PTPRD: variants seen among roughly 807,000 people sequenced by gnomAD.
The protein encoded by PTPRD is receptor-type tyrosine-protein phosphatase delta.
In PTPRD, 34 loss-of-function variants were observed where a neutral mutation model predicts 214.5. The ratio of observed to expected loss-of-function variants is 0.16; its 90% CI spans 0.12 to 0.21. The LOEUF is 0.21. Ranked by LOEUF, PTPRD falls within the 10% of genes least tolerant of loss-of-function variation. The pLI is 1.00. For synonymous variants in PTPRD, 1,128 were observed against 845.7 expected, an observed-to-expected ratio of 1.33 and a Z score of -5.79; for missense variants, 2,545 against 2,398.7, an observed-to-expected ratio of 1.06 and a Z score of -1.27.
chr9:9,508,264 C>T (rs530762205), intron 8 of PTPRD, among the ~76,000 whole-genome samples: 1 of 151,556 alleles, frequency 6.6e-6, no homozygotes, highest in African/African-American at 2.4e-5. Context: ...ACAAGAAGCG[C>T]TCCAGTGGCC....
chr9:9,041,662 A>G (rs2099640254), intron 10 of PTPRD, among the ~76,000 whole-genome samples: 1 of 152,200 alleles, frequency 6.6e-6, no homozygotes, highest in African/African-American at 2.4e-5. Flanking sequence ...GAGTAAATAC[A>G]TTCACAATTA....
At chr9:9,998,129 A>AAAAATATATATATATATAT (rs57991748) in intron 4 of PTPRD, among the ~76,000 whole-genome samples, 10 of 91,460 alleles carry the variant, frequency 1.1e-4, no homozygotes, top group African/African-American at 5.3e-4. Context: ...AAAAAAAAAA[A>AAAAATATATATATATATAT]ATATATATAT....
chr9:9,762,007 G>A (rs2154476158), intron 6 of PTPRD, among the ~76,000 whole-genome samples: 1 of 152,274 alleles, frequency 6.6e-6, no homozygotes, highest in African/African-American at 2.4e-5. Context: ...TAATTCTGGA[G>A]GAGAGAAAGT....
intron 3 of PTPRD, among the ~76,000 whole-genome samples, chr9:10,048,660 C>A (rs1324008602): frequency 6.6e-6 from 1 of 152,072 alleles, no homozygotes; most frequent in Non-Finnish European, 1.5e-5. Context: ...TTTATGACCT[C>A]AGCATGCAAG....
At chr9:8,407,548 A>T (rs1293165861) in intron 35 of PTPRD, among the ~76,000 whole-genome samples, 1 of 152,192 alleles carries the variant, frequency 6.6e-6, no homozygotes, top group Non-Finnish European at 1.5e-5. Context: ...CCAGAATGCC[A>T]CTGCAAAAGG....
At chr9:9,536,787 C>G (rs147780889) in intron 8 of PTPRD, among the ~76,000 whole-genome samples, 250 of 152,122 alleles carry the variant, frequency 1.6e-3, no homozygotes, top group African/African-American at 5.7e-3. Flanking sequence ...ACGAAAAGCC[C>G]CTTCTCATTT....
At chr9:9,406,826 A>G (rs2073601896) in intron 8 of PTPRD, among the ~76,000 whole-genome samples, 1 of 138,216 alleles carries the variant, frequency 7.2e-6, no homozygotes, top group African/African-American at 2.7e-5. Flanking sequence ...AAAAATATCT[A>G]ATATGAACTC....
intron 14 of PTPRD, among the ~76,000 whole-genome samples, chr9:8,547,082 T>A (rs2080395858): frequency 6.6e-6 from 1 of 152,216 alleles, no homozygotes. Flanking sequence ...TCTATCTCTT[T>A]GAAATAAAGT....
intron 3 of PTPRD, among the ~76,000 whole-genome samples, chr9:10,147,711 C>G (rs2099033095): frequency 6.6e-6 from 1 of 152,052 alleles, no homozygotes; most frequent in African/African-American, 2.4e-5. Context: ...AAAACCCCGT[C>G]TCTACTAAAA....
rs1053679365 is a variant in PTPRD, at chr9:9,991,840, A to T, written c.-472+41878T>A. 5.3e-4 allele frequency among the ~76,000 whole-genome samples: 68 copies of T among 127,656 alleles called. No individual in the cohort carries two copies. The South Asian group carries it at 0.015, about 29-fold the overall frequency. The allele number at this position is 127,656 out of a possible 152,430, so 83.7% of individuals were successfully genotyped here. ...GAGGGACTTCAACAGCACCACACAC[A>T]CACACACACACACACACACACACAC... On this transcript the variant is annotated intron_variant, in intron 4 of 45. Transcript: ENST00000381196.
chr9:9,134,555 C>G (rs960073663), intron 10 of PTPRD, among the ~76,000 whole-genome samples: 3 of 152,130 alleles, frequency 2.0e-5, no homozygotes, highest in African/African-American at 7.2e-5. Context: ...GGTACCACAT[C>G]TCTTTCCACA....
chr9:8,357,424 G>T (rs2077250384), intron 39 of PTPRD, among the ~76,000 whole-genome samples: 1 of 152,152 alleles, frequency 6.6e-6, no homozygotes, highest in Non-Finnish European at 1.5e-5. Flanking sequence ...CCTATTTGGA[G>T]ACCCCAAGCT....
chr9:8,465,000 C>G (rs937324563), intron 32 of PTPRD, among the ~76,000 whole-genome samples: 3 of 151,874 alleles, frequency 2.0e-5, no homozygotes, highest in Admixed American at 1.3e-4. Context: ...ACAATCACCC[C>G]CAAAGTCAGT....
chr9:8,652,328 TTTTG>T (rs2096829264), intron 12 of PTPRD, among the ~76,000 whole-genome samples: 1 of 152,234 alleles, frequency 6.6e-6, no homozygotes, highest in Admixed American at 6.5e-5. Context: ...TTTAAGTTGG[TTTTG>T]TGACAAATTA....
At chr9:10,101,317 C>T (rs909756559) in intron 3 of PTPRD, among the ~76,000 whole-genome samples, 1 of 151,618 alleles carries the variant, frequency 6.6e-6, no homozygotes, top group African/African-American at 2.4e-5. Flanking sequence ...CCTCCTCAAG[C>T]AGATAAAATG....
chr9:8,337,276 C>G (rs973963004), intron 43 of PTPRD, among the ~76,000 whole-genome samples: 1 of 151,904 alleles, frequency 6.6e-6, no homozygotes. Context: ...AGTGAGTATT[C>G]CATAAAAAAG....
chr9:8,653,446 T>G (rs1223891850), intron 12 of PTPRD, among the ~76,000 whole-genome samples: 3 of 152,170 alleles, frequency 2.0e-5, no homozygotes, highest in African/African-American at 7.2e-5. Flanking sequence ...CATCCTTCAC[T>G]ACCCATCCCA....
chr9:8,758,993 T>C (rs926235468), intron 11 of PTPRD, among the ~76,000 whole-genome samples: 3 of 151,088 alleles, frequency 2.0e-5, no homozygotes, highest in Non-Finnish European at 4.4e-5. Context: ...CCTAACAGGG[T>C]CATTTTTTTA....
intron 7 of PTPRD, among the ~76,000 whole-genome samples, chr9:9,680,487 G>A (rs1057235916): frequency 1.3e-5 from 2 of 151,740 alleles, no homozygotes; most frequent in African/African-American, 2.4e-5. Context: ...ATCATAATTT[G>A]ATGAGCCACT....
Sources: gnomAD v4.1 joint callset for allele counts (sites outside exome capture counted in the v4.1 genomes callset) on GRCh38, gnomAD v4.1.1 for gene constraint, MANE v1.5 for transcripts, NCBI Gene and HGNC (gene_info 2026-07-23, HGNC 2026-07-21) for gene names.